RAB20: variants seen among roughly 807,000 people sequenced by gnomAD.
RAB20 encodes the protein ras-related protein Rab-20.
In RAB20, 2 loss-of-function variants were observed where a neutral mutation model predicts 3.7. That is an observed-to-expected ratio of 0.54 (90% CI 0.22 to 1.69). The LOEUF is 1.69. Among genes scored for constraint, RAB20 ranks in the 40% most tolerant of loss-of-function variants. RAB20 has a pLI of 0.19. For missense variants in RAB20, 276 were observed against 311.9 expected, an observed-to-expected ratio of 0.88 and a Z score of 0.87; for synonymous variants, 126 against 130.8, an observed-to-expected ratio of 0.96 and a Z score of 0.25.
chr13:110,552,378 C>CAAAA (rs34348476), intron 1 of RAB20, among the ~76,000 whole-genome samples: 1 of 121,538 alleles, frequency 8.2e-6, no homozygotes, highest in African/African-American at 3.1e-5. Flanking sequence ...GACTCTGTCT[C>CAAAA]AAAAAAAAAA....
chr13:110,523,655 C>T lies in RAB20; in HGVS notation c.*10G>A. On this transcript the variant is annotated 3_prime_UTR_variant, in exon 2 of 2. Transcript: ENST00000267328. ...ACATGCACAGTCTGAGTCCAGGAGG[C>T]CCTCGAAAGTCAGGCACAACACCCA... 6.2e-7 allele frequency: 1 copy of T among 1,610,160 alleles called. No individual in the cohort carries two copies. Among genetic ancestry groups the T allele is most frequent in the East Asian group, 2.2e-5 (1 of 44,778 alleles).
intron 1 of RAB20, among the ~76,000 whole-genome samples, chr13:110,541,816 C>CCACACACACACACA (rs10624545): frequency 0.028 from 4,131 of 149,456 alleles, 89 homozygotes; most frequent in African/African-American, 0.054. Flanking sequence ...GAGTGTCCAG[C>CCACACACACACACA]CACACACACA....
chr13:110,538,384 T>C (rs1191458008), intron 1 of RAB20, among the ~76,000 whole-genome samples: 50 of 151,454 alleles, frequency 3.3e-4, no homozygotes, highest in Non-Finnish European at 6.0e-4. Flanking sequence ...GGAGGGAGGA[T>C]TGCTTGAGCT....
intron 1 of RAB20, among the ~76,000 whole-genome samples, chr13:110,529,442 G>C (rs906272806): frequency 6.6e-6 from 1 of 152,176 alleles, no homozygotes; most frequent in Admixed American, 6.5e-5. Flanking sequence ...CCAGACCGGA[G>C]TCCGTCAGTA....
At chr13:110,526,634 G>A (rs1884435406) in intron 1 of RAB20, among the ~76,000 whole-genome samples, 1 of 152,068 alleles carries the variant, frequency 6.6e-6, no homozygotes, top group Non-Finnish European at 1.5e-5. Flanking sequence ...CATCATCTTT[G>A]TTTTCACCAC....
intron 1 of RAB20, among the ~76,000 whole-genome samples, chr13:110,554,744 A>C (rs773961562): frequency 6.6e-6 from 1 of 152,250 alleles, no homozygotes; most frequent in Non-Finnish European, 1.5e-5. Flanking sequence ...TGCATGAGCG[A>C]AGCAGCATCT....
chr13:110,551,027 A>G (rs1250083492), intron 1 of RAB20, among the ~76,000 whole-genome samples: 1 of 152,204 alleles, frequency 6.6e-6, no homozygotes, highest in Non-Finnish European at 1.5e-5. Flanking sequence ...GGGTCAATAC[A>G]TCGCTAAGAA....
At position 110,555,541 on chromosome 13, in the gene RAB20, C is replaced by T. The variant is rs1885023975; in HGVS notation, c.172+5807G>A. On this transcript the variant is annotated intron_variant, in intron 1 of 1. Transcript: ENST00000267328. The surrounding 1 kb of genome is among the most constrained non-coding windows in gnomAD (Gnocchi z 4.0). ...CCGTCCACCCGTCCTTGGGTTCTGG[C>T]ACCAAGAACATTGGGGTCTGCAAGG... 6.6e-6 allele frequency among the ~76,000 whole-genome samples: 1 copy of T among 152,238 alleles called. No individual in the cohort carries two copies. The highest frequency in any genetic ancestry group is 1.5e-5 in the Non-Finnish European group (1 of 68,046).
At position 110,550,020 on chromosome 13, in the gene RAB20, G is replaced by A. The variant is rs533233782; in HGVS notation, c.172+11328C>T. ...ATGACAGGCCTGAGCCACCACACCC[G>A]GCCTTTCCAATCACATTTTGACATG... On this transcript the variant is annotated intron_variant, in intron 1 of 1. Coordinates refer to ENST00000267328, the MANE Select transcript of RAB20 (RefSeq NM_017817.3). Among the ~76,000 whole-genome samples, 7 of 152,262 alleles carry A rather than the reference G, an allele frequency of 4.6e-5. No individual in the cohort carries two copies. The South Asian group carries it at 8.3e-4, about 18-fold the overall frequency.
chr13:110,546,819 C>T (rs1566589450), intron 1 of RAB20, among the ~76,000 whole-genome samples: 1 of 151,840 alleles, frequency 6.6e-6, no homozygotes, highest in Non-Finnish European at 1.5e-5. Context: ...CTCACTGCAG[C>T]TTCAAACTCC....
intron 1 of RAB20, among the ~76,000 whole-genome samples, chr13:110,560,859 A>C (rs1594142188): frequency 6.6e-6 from 1 of 152,180 alleles, no homozygotes; most frequent in Admixed American, 6.5e-5. Context: ...AGAGGTCCGG[A>C]GGCTCCAGTT....
chr13:110,561,433 G>A lies in RAB20; in HGVS notation c.87C>T (p.Arg29=). The change falls in exon 1 of 2, where the codon CGC becomes CGT. Residue 29 remains arginine, a synonymous_variant. Transcript: ENST00000267328. ...TSLLQRYMER[R]FPDTVSTVGG... The stretch of plus-strand genomic sequence containing the variant: ...CCACCGTGCTGACCGTGTCCGGGAA[G>A]CGCCGCTCCATATACCGCTGCAGCA... 5 of 1,609,716 alleles carry A rather than the reference G, an allele frequency of 3.1e-6. No homozygotes were observed. Among genetic ancestry groups the A allele is most frequent in the Non-Finnish European group, 1.7e-6 (2 of 1,177,998 alleles).
rs192979929 is a variant in RAB20 at position 110,530,440 on chromosome 13, A to G, written c.173-6243T>C. Among the ~76,000 whole-genome samples, 130 of 21,450 alleles carry G rather than the reference A, an allele frequency of 6.1e-3. 3 individuals are homozygous for G. The highest frequency in any genetic ancestry group is 0.026 in the African/African-American group (100 of 3,894). The allele number at this position is 21,450 out of a possible 152,430, so 14.1% of individuals were successfully genotyped here. A position where few individuals can be genotyped will look rare whatever the true frequency, so the allele number is the denominator to read the frequency against. On this transcript the variant is annotated intron_variant, in intron 1 of 1. Coordinates refer to ENST00000267328, the MANE Select transcript of RAB20 (RefSeq NM_017817.3). The stretch of plus-strand genomic sequence containing the variant: ...CACCTCTACGCAGACACAGGGCCCT[A>G]GGGAAGTAGGTCCCACCCGCCCCAC...
intron 1 of RAB20, among the ~76,000 whole-genome samples, chr13:110,548,320 C>CA (rs35560321): frequency 4.0e-5 from 6 of 151,892 alleles, no homozygotes; most frequent in Non-Finnish European, 7.4e-5. Flanking sequence ...CCCAATTCTA[C>CA]AAAAAATACA....
intron 1 of RAB20, among the ~76,000 whole-genome samples, chr13:110,548,411 G>A (rs1385000361): frequency 2.7e-5 from 4 of 149,546 alleles, no homozygotes; most frequent in Non-Finnish European, 3.0e-5. Flanking sequence ...TTGAAGCTGG[G>A]AGGTGGAGGT....
At chr13:110,540,608 G>C (rs1436539161) in intron 1 of RAB20, among the ~76,000 whole-genome samples, 1 of 152,032 alleles carries the variant, frequency 6.6e-6, no homozygotes, top group Non-Finnish European at 1.5e-5. Flanking sequence ...CAGGCGGAGT[G>C]GTGGGTGCCT....
intron 1 of RAB20, among the ~76,000 whole-genome samples, chr13:110,529,410 T>G (rs984831791): frequency 1.1e-4 from 17 of 152,172 alleles, no homozygotes; most frequent in African/African-American, 4.1e-4. Flanking sequence ...ATCAGGCATC[T>G]CTATCTCTAT....
At chr13:110,550,021 G>A (rs1884925301) in intron 1 of RAB20, among the ~76,000 whole-genome samples, 1 of 152,148 alleles carries the variant, frequency 6.6e-6, no homozygotes, top group Admixed American at 6.5e-5. Context: ...ACCACACCCG[G>A]CCTTTCCAAT....
In RAB20 at chr13:110,530,472, A is replaced by G. The variant is rs34464942; in HGVS notation, c.173-6275T>C. 7.4e-3 allele frequency among the ~76,000 whole-genome samples: 471 copies of G among 64,046 alleles called. 1 individual carries two copies. Among genetic ancestry groups the G allele is most frequent in the Non-Finnish European group, 8.9e-3 (314 of 35,182 alleles). The allele number at this position is 64,046 out of a possible 152,430, so 42.0% of individuals were successfully genotyped here. A position where few individuals can be genotyped will look rare whatever the true frequency, so the allele number is the denominator to read the frequency against. ...TAGGTCCCACCCGCCCCACCTCTAC[A>G]CAGACACAGGACCCTGGGGAAGTAG... On this transcript the variant is annotated intron_variant, in intron 1 of 1. Transcript: ENST00000267328.
Sources: allele counts gnomAD v4.1 joint callset (sites outside exome capture counted in the v4.1 genomes callset), GRCh38; gene constraint gnomAD v4.1.1; non-coding constraint Gnocchi (gnomAD v3.1); transcripts MANE v1.5; gene names NCBI Gene and HGNC (gene_info 2026-07-23, HGNC 2026-07-21).